The following KIAA1549L variants were observed in gnomAD, a reference collection of about 807,000 sequenced individuals.
KIAA1549L encodes the protein UPF0606 protein KIAA1549L.
A neutral mutation model predicts 160.7 loss-of-function variants in KIAA1549L; 88 were observed. The observed-to-expected ratio is 0.55, with a 90% CI of 0.46 to 0.65. The LOEUF (loss-of-function observed/expected upper bound fraction) is 0.65. KIAA1549L is among the 30% of genes least tolerant of loss of function. The probability of loss-of-function intolerance (pLI) is 0.00; values close to 1 mark genes in which losing one functional copy is unlikely to be tolerated. For missense variants in KIAA1549L, 2,258 were observed against 2,437.5 expected (o/e 0.93, Z 1.55); for synonymous variants, 950 against 976.7 (o/e 0.97, Z 0.51).
rs181291569 is a variant in KIAA1549L at position 33,535,302 on chromosome 11, T to G, written c.239-6500T>G. 2.7e-3 allele frequency among the ~76,000 whole-genome samples: 406 copies of G among 152,304 alleles called. 5 individuals are homozygous for G. Among genetic ancestry groups the G allele is most frequent in the Non-Finnish European group, 8.4e-4 (57 of 68,028 alleles). On this transcript the variant is annotated intron_variant, in intron 1 of 20. Transcript: ENST00000658780. Reference sequence around the variant, plus strand: ...TTTATCAAGGCACCAAGAAGAAGTCTGCTTGCAATATGCGGTATTATATAT... The same window carrying G: ...TTTATCAAGGCACCAAGAAGAAGTCGGCTTGCAATATGCGGTATTATATAT...
intron 1 of KIAA1549L, among the ~76,000 whole-genome samples, chr11:33,522,856 G>T (rs979893669): frequency 6.6e-6 from 1 of 151,130 alleles, no homozygotes; most frequent in African/African-American, 2.4e-5. Flanking sequence ...CTATGATTGC[G>T]CCACTAAATT....
intron 10 of KIAA1549L, among the ~76,000 whole-genome samples, chr11:33,579,484 C>T (rs542441424): frequency 6.6e-6 from 1 of 152,282 alleles, no homozygotes; most frequent in Admixed American, 6.5e-5. Flanking sequence ...TTCTTCTCAA[C>T]CTTCAAATCT....
At chr11:33,435,790 A>AT (rs1210337486) in intron 1 of KIAA1549L, among the ~76,000 whole-genome samples, 1 of 26,102 alleles carries the variant, frequency 3.8e-5, no homozygotes, top group South Asian at 1.7e-3. Flanking sequence ...ATATATATAT[A>AT]TATATATATA....
chr11:33,622,694 C>T (rs1850992396), intron 16 of KIAA1549L, among the ~76,000 whole-genome samples: 1 of 152,170 alleles, frequency 6.6e-6, no homozygotes, highest in Non-Finnish European at 1.5e-5. Context: ...GGAATGCACA[C>T]TACAAGGAGG....
At chr11:33,524,445 A>G (rs1445336301) in intron 1 of KIAA1549L, among the ~76,000 whole-genome samples, 2 of 151,830 alleles carry the variant, frequency 1.3e-5, no homozygotes, top group African/African-American at 2.4e-5. Flanking sequence ...TGCTGCTACT[A>G]TTCTTTGTGT....
chr11:33,602,526 G>A (rs1432751362), intron 13 of KIAA1549L, among the ~76,000 whole-genome samples: 1 of 152,222 alleles, frequency 6.6e-6, no homozygotes, highest in Non-Finnish European at 1.5e-5. Flanking sequence ...CACTCCCCAT[G>A]CCAGTTCAGA....
chr11:33,406,060 C>G (rs749121447), intron 1 of KIAA1549L, among the ~76,000 whole-genome samples: 10 of 152,082 alleles, frequency 6.6e-5, no homozygotes, highest in Non-Finnish European at 1.2e-4. Context: ...GCAGTTGGAG[C>G]AAAGCTAACT....
At position 33,667,916 on chromosome 11, in the gene KIAA1549L, A is replaced by T. The variant is rs1284138380; in HGVS notation, c.6203A>T (p.Tyr2068Phe). 4 of 1,613,318 alleles carry T rather than the reference A, an allele frequency of 2.5e-6. No individual in the cohort carries two copies. The South Asian group carries it at 3.3e-5, about 13-fold the overall frequency. ...GYIEAYPRSR[Y>F]PQSSPSRLPR... The stretch of plus-strand genomic sequence containing the variant: ...ATCGAGGCCTACCCCCGATCACGGT[A>T]CCCCCAGAGCTCTCCCTCCAGGCTT... Residue 2068 changes from tyrosine to phenylalanine, a missense_variant, in exon 21 of 21, where the codon TAC becomes TTC. Transcript: ENST00000658780.
intron 17 of KIAA1549L, among the ~76,000 whole-genome samples, chr11:33,651,293 C>G (rs1564941890): frequency 6.6e-6 from 1 of 151,984 alleles, no homozygotes. Flanking sequence ...AAAAATTAGC[C>G]AGGCATGGTG....
Position 33,667,963 on chromosome 11 carries a change from G to C in KIAA1549L, c.6250G>C (p.Ala2084Pro), listed in dbSNP as rs972197646. 1.2e-6 allele frequency: 2 copies of C among 1,613,776 alleles called. No homozygotes were observed. Among genetic ancestry groups the C allele is most frequent in the African/African-American group, 2.7e-5 (2 of 74,914 alleles). ...GCTTCCTCGTCAGTACAGCCAGCCAGCCAACCTGCACCCCAGCCTGGAGCA... is the reference window on the plus strand; with the variant it reads ...GCTTCCTCGTCAGTACAGCCAGCCACCCAACCTGCACCCCAGCCTGGAGCA... ...SRLPRQYSQP[A>P]NLHPSLEQAP... Residue 2084 changes from alanine (A) to proline (P), a missense_variant, in exon 21 of 21, where the codon GCC (alanine) becomes CCC (proline). Physicochemically the swap from Ala to Pro is conservative, Grantham distance 27 (BLOSUM62 -1). This residue lies in a region of KIAA1549L where 1,359 missense variants were observed against 1,546.6 expected (regional missense o/e 0.88). Coordinates refer to ENST00000658780, the MANE Select transcript of KIAA1549L (RefSeq NM_012194.3).
chr11:33,526,854 C>T (rs1408724334), intron 1 of KIAA1549L, among the ~76,000 whole-genome samples: 1 of 152,036 alleles, frequency 6.6e-6, no homozygotes, highest in Non-Finnish European at 1.5e-5. Context: ...TATTAAGCTA[C>T]TCAAGGAGGT....
At chr11:33,505,327 T>G in intron 1 of KIAA1549L, among the ~76,000 whole-genome samples, 1 of 152,228 alleles carries the variant, frequency 6.6e-6, no homozygotes, top group East Asian at 1.9e-4. Flanking sequence ...CTCCAGTGAA[T>G]GCCTCTTATC....
intron 1 of KIAA1549L, among the ~76,000 whole-genome samples, chr11:33,427,520 G>GTCCCTATTTCTCCT (rs1288160532): frequency 1.3e-5 from 2 of 151,872 alleles, no homozygotes; most frequent in Admixed American, 1.3e-4. Flanking sequence ...TACTCCCTCC[G>GTCCCTATTTCTCCT]TCCCTATTTC....
Position 33,667,906 on chromosome 11 carries a change from C to T in KIAA1549L, c.6193C>T (p.Arg2065Ter), listed in dbSNP as rs755913542. The change falls in exon 21 of 21, where the codon CGA becomes TGA. Residue 2065 changes from arginine (R) to a stop codon, truncating the protein, a stop_gained. Transcript: ENST00000658780. LOFTEE classifies it high-confidence loss of function. ...CCCAGGGTACATCGAGGCCTACCCC[C>T]GATCACGGTACCCCCAGAGCTCTCC... Reference protein sequence around the residue: ...PLPGYIEAYPRSRYPQSSPSR... With the variant: ...PLPGYIEAYP The T allele has an allele frequency of 8.7e-6, 14 of 1,613,222 alleles. No homozygotes were observed. The highest frequency in any genetic ancestry group is 1.3e-5 in the African/African-American group (1 of 74,910).
chr11:33,646,649 G>C (rs1370626971), intron 17 of KIAA1549L, among the ~76,000 whole-genome samples: 1 of 152,296 alleles, frequency 6.6e-6, no homozygotes, highest in Non-Finnish European at 1.5e-5. Flanking sequence ...CTTGCACAAA[G>C]GCCATTGCAA....
chr11:33,598,667 TTTTG>T (rs753718897), intron 12 of KIAA1549L, among the ~76,000 whole-genome samples, 149 bp from the exon 13 acceptor site: 32 of 152,296 alleles, frequency 2.1e-4, no homozygotes, highest in Non-Finnish European at 3.7e-4. Context: ...GTGTGGGTGG[TTTTG>T]TTTTTTTCTT....
rs1179596884 is a variant in KIAA1549L, at chr11:33,459,511, G to A, written c.239-82291G>A. Among the ~76,000 whole-genome samples the A allele has an allele frequency of 3.9e-5, 6 of 152,126 alleles. No homozygotes were observed. In the East Asian group the frequency reaches 5.8e-4, roughly 15 times the overall value. The stretch of plus-strand genomic sequence containing the variant: ...GCCCAGGAGGGTTGTTTGGTGCCAC[G>A]GTGTCCTATTAGCAGGATAACATAT... On this transcript the variant is annotated intron_variant, in intron 1 of 20. Coordinates refer to ENST00000658780, the MANE Select transcript of KIAA1549L (RefSeq NM_012194.3).
At chr11:33,664,444 C>A (rs1367606591) in intron 20 of KIAA1549L, among the ~76,000 whole-genome samples, 1 of 152,194 alleles carries the variant, frequency 6.6e-6, no homozygotes, top group African/African-American at 2.4e-5. Context: ...GCTTTCCTAC[C>A]ACACATCCCC....
chr11:33,522,279 T>A (rs1565168034), intron 1 of KIAA1549L, among the ~76,000 whole-genome samples: 2 of 152,344 alleles, frequency 1.3e-5, no homozygotes, highest in South Asian at 4.1e-4. Context: ...AAATCTGAGT[T>A]AACAAATCTT....
Sources: allele counts gnomAD v4.1 joint callset (sites outside exome capture counted in the v4.1 genomes callset), GRCh38; gene constraint gnomAD v4.1.1; regional missense constraint gnomAD v4.1.1; transcripts MANE v1.5; gene names NCBI Gene and HGNC (gene_info 2026-07-23, HGNC 2026-07-21).